The following ACOT1 variants were observed in gnomAD, a reference collection of about 807,000 sequenced individuals.
ACOT1 encodes acyl-coenzyme A thioesterase 1.
In ACOT1, 8 loss-of-function variants were observed where a neutral mutation model predicts 15.7. The observed-to-expected ratio is 0.51, with a 90% confidence interval of 0.30 to 0.92. The LOEUF (loss-of-function observed/expected upper bound fraction) is 0.92. Ranked by LOEUF, ACOT1 falls within the 40% of genes least tolerant of loss-of-function variation. The probability of loss-of-function intolerance (pLI) is 0.06; values close to 1 mark genes in which losing one functional copy is unlikely to be tolerated. For missense variants in ACOT1, 151 were observed against 539.4 expected (o/e 0.28, Z 7.13); for synonymous variants, 67 against 241.2 (o/e 0.28, Z 6.69).
chr14:73,522,993 G>A, the ACOT1 span: 7 of 1,614,026 alleles, frequency 4.3e-6, no homozygotes, highest in African/African-American at 1.3e-5. Context: ...AGACGGTACT[G>A]TGAGCTGAAG....
At chr14:73,506,497 A>T in the ACOT1 span, 23 of 1,613,706 alleles carry the variant, frequency 1.4e-5, no homozygotes, top group Non-Finnish European at 1.9e-5. Flanking sequence ...TCCGGGAGAA[A>T]GCCTGGCAGG....
At chr14:73,527,739 A>G in the ACOT1 span, among the ~76,000 whole-genome samples, 28 of 152,086 alleles carry the variant, frequency 1.8e-4, 1 homozygote, top group African/African-American at 6.7e-4. Context: ...GCACTTTGGG[A>G]GGCCAAGGCA....
chr14:73,522,382 C>A, the ACOT1 span: 1 of 1,614,136 alleles, frequency 6.2e-7, no homozygotes, highest in South Asian at 1.1e-5. Context: ...GTTTCAGGAG[C>A]TCCAGGTCAC....
chr14:73,509,474 C>T, the ACOT1 span: 1 of 1,613,750 alleles, frequency 6.2e-7, no homozygotes. Flanking sequence ...ATGGTCTTGT[C>T]TGTGATCAAA....
chr14:73,505,758 GT>G, the ACOT1 span, among the ~76,000 whole-genome samples: 3 of 151,988 alleles, frequency 2.0e-5, no homozygotes, highest in Non-Finnish European at 4.4e-5. Flanking sequence ...ATTTAGATGG[GT>G]TTTTGGGTAG....
chr14:73,537,414 C>T lies in ACOT1; in HGVS notation c.-8C>T. The stretch of plus-strand genomic sequence containing the variant: ...CAGTTTGGCCGGATTATTTGGGTTC[C>T]TGCTCGGATGGCGGCGACGCTGATC... On this transcript the variant is annotated 5_prime_UTR_variant, in exon 1 of 3. Transcript: ENST00000311148. 2 of 1,234,854 alleles carry T rather than the reference C, an allele frequency of 1.6e-6. No individual in the cohort carries two copies. Among genetic ancestry groups the T allele is most frequent in the South Asian group, 1.4e-5 (1 of 71,234 alleles). 76.5% of individuals were successfully genotyped at this position (1,234,854 alleles called of 1,614,324 possible). A position where few individuals can be genotyped will look rare whatever the true frequency, so the allele number is the denominator to read the frequency against.
At chr14:73,502,894 C>G in the ACOT1 span, 5 of 1,608,662 alleles carry the variant, frequency 3.1e-6, no homozygotes, top group Non-Finnish European at 4.3e-6. Context: ...CTGGGTCTTA[C>G]CTGATTATGT....
At chr14:73,497,454 C>T in the ACOT1 span, among the ~76,000 whole-genome samples, 1 of 152,134 alleles carries the variant, frequency 6.6e-6, no homozygotes, top group African/African-American at 2.4e-5. Flanking sequence ...AGACTATCAC[C>T]TGCATTTGAT....
At chr14:73,492,736 C>T in the ACOT1 span, 1 of 1,613,976 alleles carries the variant, frequency 6.2e-7, no homozygotes, top group Admixed American at 1.7e-5. The surrounding 1 kb of genome is among the most constrained non-coding windows in gnomAD (Gnocchi z 4.9). Flanking sequence ...CAGTGGAAAA[C>T]TCCCGTGTGT....
chr14:73,514,139 T>C, the ACOT1 span: 2 of 1,614,188 alleles, frequency 1.2e-6, no homozygotes, highest in South Asian at 2.2e-5. Flanking sequence ...CTCCTGGTCT[T>C]AATAGGCACA....
the ACOT1 span, among the ~76,000 whole-genome samples, chr14:73,506,166 G>C: frequency 6.6e-6 from 1 of 152,178 alleles, no homozygotes; most frequent in Non-Finnish European, 1.5e-5. Flanking sequence ...TGGGATTACA[G>C]ATGTGAGCCA....
chr14:73,525,599 G>C, the ACOT1 span, among the ~76,000 whole-genome samples: 1 of 152,132 alleles, frequency 6.6e-6, no homozygotes, highest in Non-Finnish European at 1.5e-5. Context: ...CGGCCAAACA[G>C]ACCCCTCCAG....
At chr14:73,492,999 C>CTTT in the ACOT1 span, 55,335 of 1,436,554 alleles carry the variant, frequency 0.039, 133 homozygotes, top group East Asian at 0.052. This position sits in a 1 kb window ranked among gnomAD's most constrained non-coding sequence, Gnocchi z 4.9. Context: ...CCACTGCTAC[C>CTTT]TTTTTTTTTT....
chr14:73,510,181 A>G, the ACOT1 span, among the ~76,000 whole-genome samples: 35 of 151,798 alleles, frequency 2.3e-4, no homozygotes, highest in African/African-American at 8.2e-4. Flanking sequence ...ATTTGTAAGA[A>G]CAATTATATT....
the ACOT1 span, among the ~76,000 whole-genome samples, chr14:73,510,030 T>A: frequency 6.7e-6 from 1 of 149,440 alleles, no homozygotes; most frequent in South Asian, 2.1e-4. Flanking sequence ...CCCAGCTAAT[T>A]TTTAGTATTC....
the ACOT1 span, chr14:73,491,981 A>G: frequency 1.0e-4 from 169 of 1,613,972 alleles, 1 homozygote; most frequent in East Asian, 3.7e-3. Context: ...GTTTGGAAGC[A>G]TGGCAGGCTC....
chr14:73,502,524 C>G, the ACOT1 span, among the ~76,000 whole-genome samples: 3 of 151,772 alleles, frequency 2.0e-5, no homozygotes, highest in African/African-American at 7.3e-5. Flanking sequence ...TCAACAAATG[C>G]TGGGTGGCTG....
chr14:73,524,308 A>ATATATATATATATATATATAT, the ACOT1 span, among the ~76,000 whole-genome samples: 1 of 83,572 alleles, frequency 1.2e-5, no homozygotes, highest in African/African-American at 6.2e-5. Context: ...AAAAAAAAAA[A>ATATATATATATATATATATAT]AAATATATAT....
chr14:73,507,520 A>G, the ACOT1 span, among the ~76,000 whole-genome samples: 1 of 151,938 alleles, frequency 6.6e-6, no homozygotes, highest in Non-Finnish European at 1.5e-5. Context: ...TGCAGCCCCA[A>G]CCTGCCAGGC....
Sources: gnomAD v4.1 joint callset for allele counts (sites outside exome capture counted in the v4.1 genomes callset) on GRCh38, gnomAD v4.1.1 for gene constraint, Gnocchi (gnomAD v3.1) non-coding constraint, MANE v1.5 for transcripts, NCBI Gene and HGNC (gene_info 2026-07-23, HGNC 2026-07-21) for gene names.